Variants in LINGO2 observed in about 807,000 individuals in gnomAD.
LINGO2 encodes the protein leucine rich repeat and Ig domain containing 2.
A neutral mutation model predicts 30.6 loss-of-function variants in LINGO2; 14 were observed. The ratio of observed to expected loss-of-function variants is 0.46; its 90% CI spans 0.30 to 0.72. The LOEUF (loss-of-function observed/expected upper bound fraction) is 0.72, where lower values mean the gene tolerates loss of function less well. Among genes scored for constraint, LINGO2 ranks in the 30% least tolerant of loss-of-function variants. The probability of loss-of-function intolerance (pLI) is 0.07; values close to 1 mark genes in which losing one functional copy is unlikely to be tolerated. For missense variants in LINGO2, 729 were observed against 751.7 expected (o/e 0.97, Z 0.35); for synonymous variants, 317 against 288.5 (o/e 1.10, Z -1.00).
chr9:28,970,128 G>A, the LINGO2 span, among the ~76,000 whole-genome samples: 1 of 151,958 alleles, frequency 6.6e-6, no homozygotes, highest in African/African-American at 2.4e-5. Context: ...GAAGAGATGA[G>A]GTCCTAGCAC....
At chr9:28,736,813 T>C in the LINGO2 span, among the ~76,000 whole-genome samples, 6 of 152,028 alleles carry the variant, frequency 3.9e-5, no homozygotes, top group Non-Finnish European at 8.8e-5. Flanking sequence ...TACATACATA[T>C]ATACATACAT....
the LINGO2 span, among the ~76,000 whole-genome samples, chr9:29,101,665 G>T: frequency 6.6e-6 from 1 of 152,154 alleles, no homozygotes; most frequent in African/African-American, 2.4e-5. Context: ...AATATGTGAT[G>T]TCTGTCTTTA....
chr9:28,132,135 A>T (rs1298271589), intron 4 of LINGO2, among the ~76,000 whole-genome samples: 2 of 152,214 alleles, frequency 1.3e-5, no homozygotes, highest in African/African-American at 4.8e-5. Context: ...AGTTTTAGTA[A>T]ACTGATAGAT....
chr9:28,804,112 T>C, the LINGO2 span, among the ~76,000 whole-genome samples: 10,130 of 152,154 alleles, frequency 0.067, 443 homozygotes, highest in Non-Finnish European at 0.1. Flanking sequence ...GTTGCTCTTA[T>C]TCTCTTTTCT....
chr9:28,675,047 A>C (rs888497894), upstream of LINGO2, among the ~76,000 whole-genome samples: 1 of 152,174 alleles, frequency 6.6e-6, no homozygotes, highest in African/African-American at 2.4e-5. Context: ...TCAGTTACAG[A>C]AGGAAGAAGA....
At chr9:29,065,460 G>A in the LINGO2 span, among the ~76,000 whole-genome samples, 9 of 152,112 alleles carry the variant, frequency 5.9e-5, no homozygotes, top group South Asian at 1.2e-3. Flanking sequence ...TGAAAGGAAC[G>A]GGTCCAGTTT....
the LINGO2 span, among the ~76,000 whole-genome samples, chr9:28,980,461 A>G: frequency 1.4e-4 from 22 of 151,756 alleles, no homozygotes; most frequent in South Asian, 4.6e-3. Flanking sequence ...AGAATCCACA[A>G]CCCCTCCCCA....
chr9:28,365,489 C>G (rs1408175647), intron 3 of LINGO2, among the ~76,000 whole-genome samples: 1 of 152,122 alleles, frequency 6.6e-6, no homozygotes, highest in African/African-American at 2.4e-5. Context: ...GCAACACCCC[C>G]TAGTGCAAGA....
chr9:28,560,530 A>G (rs550390822), intron 1 of LINGO2, among the ~76,000 whole-genome samples: 1 of 152,276 alleles, frequency 6.6e-6, no homozygotes, highest in Non-Finnish European at 1.5e-5. Context: ...ATATACGTAT[A>G]CACATCCTAT....
chr9:28,467,185 C>G (rs1233903571), intron 2 of LINGO2, among the ~76,000 whole-genome samples: 1 of 152,076 alleles, frequency 6.6e-6, no homozygotes, highest in Non-Finnish European at 1.5e-5. Context: ...ACCACCACGC[C>G]TGGCTAATTT....
chr9:28,632,443 T>C (rs1016452817), intron 1 of LINGO2, among the ~76,000 whole-genome samples: 1 of 151,178 alleles, frequency 6.6e-6, no homozygotes, highest in African/African-American at 2.4e-5. Context: ...AGGATATTCA[T>C]AAAATAAGCA....
intron 4 of LINGO2, among the ~76,000 whole-genome samples, chr9:28,123,436 G>C (rs1016390208): frequency 1.3e-5 from 2 of 152,034 alleles, no homozygotes; most frequent in Non-Finnish European, 1.5e-5. Context: ...TCTCTCAGTT[G>C]TAAGTGTGTC....
the LINGO2 span, among the ~76,000 whole-genome samples, chr9:29,023,484 C>G: frequency 6.6e-6 from 1 of 151,912 alleles, no homozygotes; most frequent in South Asian, 2.1e-4. Context: ...GTCATTGAAT[C>G]TAGTTAGCAC....
chr9:28,766,778 G>C, the LINGO2 span, among the ~76,000 whole-genome samples: 1 of 150,078 alleles, frequency 6.7e-6, no homozygotes, highest in Non-Finnish European at 1.5e-5. Flanking sequence ...GGGAGGGAAA[G>C]AGAGAGAGAG....
chr9:28,940,348 A>G, the LINGO2 span, among the ~76,000 whole-genome samples: 84 of 152,260 alleles, frequency 5.5e-4, no homozygotes, highest in African/African-American at 1.9e-3. Flanking sequence ...CTTCTACCAG[A>G]TTATAAAGCT....
chr9:28,922,783 G>A, the LINGO2 span, among the ~76,000 whole-genome samples: 819 of 152,298 alleles, frequency 5.4e-3, 6 homozygotes, highest in African/African-American at 0.019. Context: ...ATGGTAGGCT[G>A]AATAATGATT....
chr9:28,183,242 G>A (rs1008868198), intron 4 of LINGO2, among the ~76,000 whole-genome samples: 11 of 152,022 alleles, frequency 7.2e-5, no homozygotes, highest in African/African-American at 2.4e-4. Flanking sequence ...CTCATAAGTG[G>A]GAGTTGAACA....
chr9:29,127,747 T>C, the LINGO2 span, among the ~76,000 whole-genome samples: 1 of 152,114 alleles, frequency 6.6e-6, no homozygotes, highest in African/African-American at 2.4e-5. Flanking sequence ...CTGCCCTGCA[T>C]GGAAAGGGGA....
At chr9:28,659,332 T>A (rs1457451702) in intron 1 of LINGO2, among the ~76,000 whole-genome samples, 1 of 152,088 alleles carries the variant, frequency 6.6e-6, no homozygotes, top group East Asian at 1.9e-4. Flanking sequence ...TGCCTGGACG[T>A]ATAGTACAAA....
Sources: allele counts gnomAD v4.1 joint callset (sites outside exome capture counted in the v4.1 genomes callset), GRCh38; gene constraint gnomAD v4.1.1; transcripts MANE v1.5; gene names NCBI Gene and HGNC (gene_info 2026-07-23, HGNC 2026-07-21).